The following TAF1D variants were observed in gnomAD, a reference collection of about 807,000 sequenced individuals.
TAF1D encodes TATA box-binding protein-associated factor RNA polymerase I subunit D.
A neutral mutation model predicts 26.2 loss-of-function variants in TAF1D; 23 were observed. The ratio of observed to expected loss-of-function variants is 0.88; its 90% CI spans 0.63 to 1.25. The LOEUF is 1.25. Ranked by LOEUF, TAF1D falls within the 50% of genes most tolerant of loss-of-function variation. The pLI, the probability that TAF1D is intolerant of heterozygous loss-of-function variation, is 0.00. For synonymous variants in TAF1D, 100 were observed against 105.6 expected, an observed-to-expected ratio of 0.95 and a Z score of 0.33; for missense variants, 299 against 322.0, an observed-to-expected ratio of 0.93 and a Z score of 0.55.
At chr11:93,733,709 G>T (rs756791611), downstream of TAF1D, 1 of 427,124 alleles carries the variant, frequency 2.3e-6, no homozygotes, top group Non-Finnish European at 4.6e-6. Flanking sequence ...AGGCTACAGT[G>T]AGATGTGGCA....
Position 93,737,074 on chromosome 11 carries a change from CA to C in TAF1D, c.624del (p.Ile208MetfsTer29). 6.2e-7 allele frequency: 1 copy of C among 1,600,558 alleles called. No individual in the cohort carries two copies. The highest frequency in any genetic ancestry group is 8.5e-7 in the Non-Finnish European group (1 of 1,174,912). On this transcript the variant is annotated frameshift_variant, in exon 4 of 6. Coordinates refer to ENST00000448108, the MANE Select transcript of TAF1D (RefSeq NM_024116.4). LOFTEE classifies it high-confidence loss of function. Reference protein sequence around the residue: ...FLDDDGSISPIEESTAEDEDA... With the variant: ...FLDDDGSISPXEESTAEDEDA... The stretch of plus-strand genomic sequence containing the variant: ...TATGATTCCACTTACGTTGACTCCT[CA>C]ATAGGAGAAATGGATCCATCATCAT...
chr11:93,735,604 G>A lies in TAF1D; in HGVS notation c.*557C>T, dbSNP rs753738283. The stretch of plus-strand genomic sequence containing the variant: ...AATCGCTTGAACCCGGGAGATGGAG[G>A]TTGCAGTAAGCCAAGACTGCGGCCA... On this transcript the variant is annotated 3_prime_UTR_variant, in exon 6 of 6. Coordinates refer to ENST00000448108, the MANE Select transcript of TAF1D (RefSeq NM_024116.4). 1.8e-4 allele frequency: 144 copies of A among 785,738 alleles called. No homozygotes were observed. The highest frequency in any genetic ancestry group is 2.1e-4 in the Non-Finnish European group (137 of 644,332). 48.7% of individuals were successfully genotyped at this position (785,738 alleles called of 1,614,324 possible). A position where few individuals can be genotyped will look rare whatever the true frequency, so the allele number is the denominator to read the frequency against.
At position 93,736,715 on chromosome 11, in the gene TAF1D, G is replaced by A. The variant is rs765208768; in HGVS notation, c.672C>T (p.Asn224=). 56 of 1,611,012 alleles carry A rather than the reference G, an allele frequency of 3.5e-5. No individual in the cohort carries two copies. The highest frequency in any genetic ancestry group is 4.7e-5 in the Non-Finnish European group (55 of 1,179,182). ...EDEDATHLED[N]ECDIKLAGDS... is the part of the protein sequence containing the mutation. ...TTACTGCCAATTTGATATCACATTC[G>A]TTATCTTCAAGATGTGTTGCATCCT... Residue 224 remains asparagine (N), a synonymous_variant, in exon 5 of 6, where the codon AAC becomes AAT. Coordinates refer to ENST00000448108, the MANE Select transcript of TAF1D (RefSeq NM_024116.4).
chr11:93,738,979 T>G (rs948036763), intron 2 of TAF1D: 1 of 493,510 alleles, frequency 2.0e-6, no homozygotes, highest in African/African-American at 2.0e-5. Context: ...AACCGGAGGA[T>G]GTAGTCTGGA....
downstream of TAF1D, chr11:93,732,493 C>T (rs1051247043): frequency 1.9e-6 from 1 of 517,618 alleles, no homozygotes; most frequent in African/African-American, 1.9e-5. Context: ...AGATACCATG[C>T]AGTGCAATTA....
Position 93,730,278 on chromosome 11 carries a change from A to G in TAF1D, c.*1173T>C. ...CCAAAAATACATGCTGACTTTCTAGAAATAGTGTAAAGGTTTTTTAATTGT... is the reference window on the plus strand; with the variant it reads ...CCAAAAATACATGCTGACTTTCTAGGAATAGTGTAAAGGTTTTTTAATTGT... On this transcript the variant is annotated 3_prime_UTR_variant and NMD_transcript_variant, in exon 12 of 12. Transcript: ENST00000323981. 2.0e-6 allele frequency: 3 copies of G among 1,530,580 alleles called. No homozygotes were observed. The South Asian group carries it at 3.6e-5, about 18-fold the overall frequency. The allele number at this position is 1,530,580 out of a possible 1,614,324, so 94.8% of individuals were successfully genotyped here.
At chr11:93,737,264 A>T in intron 3 of TAF1D, 25 bp from the exon 4 acceptor site, 2 of 1,525,110 alleles carry the variant, frequency 1.3e-6, no homozygotes, top group Non-Finnish European at 1.8e-6. Context: ...CACCATAAGT[A>T]TGTCGAGATT....
chr11:93,741,125 C>T (rs1187364346), intron 1 of TAF1D, among the ~76,000 whole-genome samples, 197 bp downstream of exon 1: 1 of 152,264 alleles, frequency 6.6e-6, no homozygotes, highest in African/African-American at 2.4e-5. Flanking sequence ...AGCCCGTCCA[C>T]ACTACAACCA....
At chr11:93,732,722 A>G (rs553193639), downstream of TAF1D, 13 of 264,164 alleles carry the variant, frequency 4.9e-5, no homozygotes, top group Non-Finnish European at 7.6e-6. Context: ...GAATATATAC[A>G]TGTAACTTAA....
At chr11:93,737,794 T>C (rs1565243416) in intron 3 of TAF1D, among the ~76,000 whole-genome samples, 1 of 152,180 alleles carries the variant, frequency 6.6e-6, no homozygotes, top group Non-Finnish European at 1.5e-5. Context: ...AATTTCAAGT[T>C]ATGTGAGCTT....
chr11:93,736,107 A>C lies in TAF1D; in HGVS notation c.*54T>G. 1.2e-6 allele frequency: 2 copies of C among 1,606,064 alleles called. No homozygotes were observed. The highest frequency in any genetic ancestry group is 2.2e-5 in the South Asian group (2 of 89,728). ...CATATATCCACATTTATCTTTATTC[A>C]TTTCTATGAAGTCGTTTTTTCTATA... On this transcript the variant is annotated 3_prime_UTR_variant, in exon 6 of 6. Coordinates refer to ENST00000448108, the MANE Select transcript of TAF1D (RefSeq NM_024116.4).
At chr11:93,736,879 T>C (rs1940912749) in intron 4 of TAF1D, 128 bp from the exon 5 acceptor site, 11 of 1,205,660 alleles carry the variant, frequency 9.1e-6, no homozygotes, top group Middle Eastern at 2.5e-4. Flanking sequence ...GAGAATTTTG[T>C]GTTCTGGAGA....
downstream of TAF1D, chr11:93,735,263 T>C (rs377674268): frequency 8.3e-6 from 11 of 1,327,948 alleles, no homozygotes; most frequent in Non-Finnish European, 8.9e-6. Context: ...CATAGCAGAG[T>C]AGTCAGCTCT....
At chr11:93,737,684 G>A (rs1196728273) in intron 3 of TAF1D, among the ~76,000 whole-genome samples, 1 of 152,122 alleles carries the variant, frequency 6.6e-6, no homozygotes, top group Non-Finnish European at 1.5e-5. Context: ...CTAAGTATTA[G>A]CGTATTTTTC....
chr11:93,736,934 C>G lies in TAF1D; in HGVS notation c.635+130G>C, dbSNP rs1001352414. 7 of 1,100,306 alleles carry G rather than the reference C, an allele frequency of 6.4e-6. No homozygotes were observed. The African/African-American group carries it at 8.0e-5, about 13-fold the overall frequency. 68.2% of individuals were successfully genotyped at this position (1,100,306 alleles called of 1,614,324 possible). On this transcript the variant is annotated intron_variant, in intron 4 of 5. Transcript: ENST00000448108. Reference sequence around the variant, plus strand: ...CCAAGCTTGGCTCAACTGTAATAATCCCAATTGTCATACTCTGTATCTTTG... The same window carrying G: ...CCAAGCTTGGCTCAACTGTAATAATGCCAATTGTCATACTCTGTATCTTTG...
rs146131378 is a variant in TAF1D, at chr11:93,738,296, T to C, written c.272A>G (p.Tyr91Cys). ...FERFKNRKKR[Y>C]KKKKKRRYQP... ...GTACCTCCTCTTTTTCTTTTTTTTA[T>C]ATCTCTTTTTCCTGTTCTTGAATCT... The change falls in exon 3 of 6, where the codon TAT becomes TGT. Residue 91 changes from tyrosine to cysteine, a missense_variant. Coordinates refer to ENST00000448108, the MANE Select transcript of TAF1D (RefSeq NM_024116.4). 1 of 1,607,878 alleles carries C rather than the reference T, an allele frequency of 6.2e-7. No homozygotes were observed. The highest frequency in any genetic ancestry group is 1.3e-5 in the African/African-American group (1 of 74,174).
chr11:93,738,589 G>A, intron 2 of TAF1D, 90 bp from the exon 3 acceptor site: 2 of 1,314,684 alleles, frequency 1.5e-6, no homozygotes, highest in South Asian at 3.4e-5. Flanking sequence ...TTTCTTCCAA[G>A]ACCAACTCAG....
downstream of TAF1D, chr11:93,733,677 A>G (rs747940045): frequency 2.1e-6 from 1 of 472,374 alleles, no homozygotes; most frequent in Non-Finnish European, 4.2e-6. Context: ...TTCTTGCTGA[A>G]TCACTTGAGC....
downstream of TAF1D, chr11:93,730,695 C>T (rs752990381): frequency 5.8e-6 from 3 of 516,762 alleles, no homozygotes; most frequent in Non-Finnish European, 1.2e-5. Context: ...TGAAACTGAT[C>T]CAGTTGTCCT....
Sources: allele counts gnomAD v4.1 joint callset (sites outside exome capture counted in the v4.1 genomes callset), GRCh38; gene constraint gnomAD v4.1.1; transcripts MANE v1.5; gene names NCBI Gene and HGNC (gene_info 2026-07-23, HGNC 2026-07-21).